OTUD7A: variants seen among roughly 807,000 people sequenced by gnomAD.
OTUD7A encodes the protein OTU deubiquitinase 7A.
In OTUD7A, 12 loss-of-function variants were observed where a neutral mutation model predicts 65.7. The observed-to-expected ratio is 0.18, with a 90% confidence interval of 0.12 to 0.30. The LOEUF is 0.30. OTUD7A is among the 10% of genes least tolerant of loss of function. The probability of loss-of-function intolerance (pLI) is 1.00; values close to 1 mark genes in which losing one functional copy is unlikely to be tolerated. For synonymous variants in OTUD7A, 641 were observed against 586.3 expected (o/e 1.09, Z -1.35); for missense variants, 1,148 against 1,304.8 (o/e 0.88, Z 1.85).
At chr15:31,702,435 C>T (rs1273350302) in intron 1 of OTUD7A, among the ~76,000 whole-genome samples, 1 of 150,278 alleles carries the variant, frequency 6.7e-6, no homozygotes, top group Admixed American at 6.6e-5. Context: ...ACAAGGTCAA[C>T]ATAAAAATCA....
At chr15:31,653,971 G>C (rs1047098688) in intron 3 of OTUD7A, among the ~76,000 whole-genome samples, 7 of 97,514 alleles carry the variant, frequency 7.2e-5, no homozygotes, top group African/African-American at 2.8e-4. Flanking sequence ...TTGTAAGGTG[G>C]GTTAAGCTCA....
intron 1 of OTUD7A, among the ~76,000 whole-genome samples, chr15:31,720,385 A>T (rs1444835429): frequency 6.6e-6 from 1 of 151,286 alleles, no homozygotes; most frequent in Admixed American, 6.6e-5. Flanking sequence ...TGATAACATC[A>T]TGGCACAGTA....
chr15:31,676,168 C>G (rs1892590999), intron 1 of OTUD7A, among the ~76,000 whole-genome samples: 1 of 152,160 alleles, frequency 6.6e-6, no homozygotes, highest in Admixed American at 6.5e-5. Context: ...TGGAGGAGAA[C>G]AGAAAATGCA....
chr15:31,653,387 G>A (rs562175405), intron 3 of OTUD7A, among the ~76,000 whole-genome samples: 2 of 152,318 alleles, frequency 1.3e-5, no homozygotes, highest in South Asian at 4.1e-4. Flanking sequence ...ACAGATGAGT[G>A]GAGAAATTCT....
intron 1 of OTUD7A, among the ~76,000 whole-genome samples, chr15:31,730,007 C>G (rs908721960): frequency 6.6e-6 from 1 of 152,108 alleles, no homozygotes. Context: ...GAAACCCTAG[C>G]CCCCCAGGGT....
chr15:31,484,650 G>A lies in OTUD7A; in HGVS notation c.1446C>T (p.Asp482=), dbSNP rs1472356522. ...TGCTGCACACCGAATCGCGGTCCGA[G>A]TCCAGCGAGTCGGCCAGGGACTGCA... is the stretch of plus-strand genomic sequence containing the variant. ...EDVQSLADSL[D]SDRDSVCSNS... is the part of the protein sequence containing the mutation. The change falls in exon 13 of 13, where the codon GAC becomes GAT. Residue 482 remains aspartate, a synonymous_variant. Coordinates refer to ENST00000307050, the MANE Select transcript of OTUD7A (RefSeq NM_001382637.1). This position sits in a 1 kb window ranked among gnomAD's most constrained non-coding sequence, Gnocchi z 4.5. The A allele has an allele frequency of 1.9e-6, 3 of 1,583,798 alleles. No homozygotes were observed. Among genetic ancestry groups the A allele is most frequent in the Non-Finnish European group, 2.6e-6 (3 of 1,167,194 alleles).
At chr15:31,623,707 ACTTCCCGGGTGAGGTGATGCCTCACCATG>A (rs1833603106) in intron 3 of OTUD7A, among the ~76,000 whole-genome samples, 1 of 152,178 alleles carries the variant, frequency 6.6e-6, no homozygotes, top group South Asian at 2.1e-4. Flanking sequence ...GACCCCTTGC[ACTTCCCGGGTGAGGTGATGCCTCACCATG>A]CTTCGGCTCA....
At chr15:31,849,446 T>A (rs532536257) in intron 1 of OTUD7A, among the ~76,000 whole-genome samples, 7 of 152,228 alleles carry the variant, frequency 4.6e-5, no homozygotes, top group South Asian at 2.1e-4. Flanking sequence ...AAACCATAAA[T>A]ACCCTAGAAG....
intron 3 of OTUD7A, among the ~76,000 whole-genome samples, chr15:31,648,856 G>A (rs1891754257): frequency 6.6e-6 from 1 of 152,176 alleles, no homozygotes; most frequent in Non-Finnish European, 1.5e-5. Context: ...CGCCTCCTGG[G>A]TTTAAGCGAT....
In OTUD7A at chr15:31,484,652, C is replaced by G. The variant is rs1220561013; in HGVS notation, c.1444G>C (p.Asp482His). 1 of 1,584,148 alleles carries G rather than the reference C, an allele frequency of 6.3e-7. No homozygotes were observed. Among genetic ancestry groups the G allele is most frequent in the Admixed American group, 1.8e-5 (1 of 56,338 alleles). Residue 482 changes from aspartate to histidine, a missense_variant, in exon 13 of 13, where the codon GAC becomes CAC. Transcript: ENST00000307050. This position sits in a 1 kb window ranked among gnomAD's most constrained non-coding sequence, Gnocchi z 4.5. ...CTGCACACCGAATCGCGGTCCGAGT[C>G]CAGCGAGTCGGCCAGGGACTGCACG... ...EDVQSLADSLDSDRDSVCSNS... is the reference protein window; with the variant it reads ...EDVQSLADSLHSDRDSVCSNS...
chr15:31,570,354 G>A (rs751560083), intron 3 of OTUD7A, among the ~76,000 whole-genome samples, 157 bp from the exon 4 acceptor site: 6 of 151,852 alleles, frequency 4.0e-5, no homozygotes, highest in Non-Finnish European at 7.4e-5. Flanking sequence ...ATGGCCCTCT[G>A]CATGACTCTA....
intron 1 of OTUD7A, among the ~76,000 whole-genome samples, chr15:31,681,914 A>C (rs1892726391): frequency 2.0e-5 from 3 of 152,028 alleles, no homozygotes; most frequent in Non-Finnish European, 2.9e-5. Context: ...TGGCCTAAAA[A>C]GCAAATTAAT....
intron 1 of OTUD7A, among the ~76,000 whole-genome samples, chr15:31,864,570 G>C (rs540330119): frequency 6.6e-6 from 1 of 152,190 alleles, no homozygotes; most frequent in South Asian, 2.1e-4. Context: ...GCATGAGAAA[G>C]ACCAGCCCCA....
At chr15:31,807,240 C>T (rs904030316) in intron 1 of OTUD7A, among the ~76,000 whole-genome samples, 1 of 152,190 alleles carries the variant, frequency 6.6e-6, no homozygotes, top group Non-Finnish European at 1.5e-5. Context: ...AACTTGCCCA[C>T]ATTGGCTATG....
chr15:31,751,270 C>T (rs1894626884), intron 1 of OTUD7A, among the ~76,000 whole-genome samples: 2 of 151,944 alleles, frequency 1.3e-5, no homozygotes, highest in Admixed American at 6.5e-5. Flanking sequence ...TAAAGAGACA[C>T]TTCTCAAAAA....
In OTUD7A at chr15:31,836,708, T is replaced by C. The variant is rs569018877; in HGVS notation, c.-100+33799A>G. ...TTTGATATTTTTAAAAATCAAGCCA[T>C]ATAATCCACAATATTAACAGGCTAA... On this transcript the variant is annotated intron_variant, in intron 1 of 12. Transcript: ENST00000307050. 2.8e-4 allele frequency among the ~76,000 whole-genome samples: 42 copies of C among 152,322 alleles called. 1 individual carries two copies. The highest frequency in any genetic ancestry group is 2.3e-3 in the Admixed American group (35 of 15,304).
intron 1 of OTUD7A, among the ~76,000 whole-genome samples, chr15:31,809,360 TGG>T (rs1896362180): frequency 1.3e-5 from 2 of 152,222 alleles, no homozygotes; most frequent in African/African-American, 4.8e-5. Flanking sequence ...CATCAGAATC[TGG>T]CTTGAGCGGT....
At chr15:31,780,935 T>G (rs748497098) in intron 1 of OTUD7A, among the ~76,000 whole-genome samples, 2 of 152,216 alleles carry the variant, frequency 1.3e-5, no homozygotes, top group Non-Finnish European at 2.9e-5. Context: ...CAAATATTCT[T>G]GATGTACTGA....
intron 3 of OTUD7A, among the ~76,000 whole-genome samples, chr15:31,637,983 T>C (rs1332683612): frequency 2.0e-5 from 3 of 152,220 alleles, no homozygotes; most frequent in Non-Finnish European, 4.4e-5. Context: ...AATTACAAAA[T>C]GCATTTGATA....
Sources: gnomAD v4.1 joint callset for allele counts (sites outside exome capture counted in the v4.1 genomes callset) on GRCh38, gnomAD v4.1.1 for gene constraint, Gnocchi (gnomAD v3.1) non-coding constraint, MANE v1.5 for transcripts, NCBI Gene and HGNC (gene_info 2026-07-23, HGNC 2026-07-21) for gene names.